C1QTNF7: variants seen among roughly 807,000 people sequenced by gnomAD.
C1QTNF7 encodes C1q and TNF related 7, also known as complement C1q tumor necrosis factor-related protein 7.
C1QTNF7 carries 15 observed loss-of-function variants against 19.6 expected under a neutral mutation model. That is an observed-to-expected ratio of 0.76 (90% CI 0.51 to 1.18). The LOEUF (loss-of-function observed/expected upper bound fraction) is 1.18. Among genes scored for constraint, C1QTNF7 ranks in the 50% most tolerant of loss-of-function variants. C1QTNF7 has a pLI of 0.00. For missense variants in C1QTNF7, 324 were observed against 359.7 expected (o/e 0.90, Z 0.80); for synonymous variants, 142 against 137.5 (o/e 1.03, Z -0.23).
chr4:15,343,813 A>C (rs558804658), intron 1 of C1QTNF7, among the ~76,000 whole-genome samples: 2 of 152,362 alleles, frequency 1.3e-5, no homozygotes, highest in East Asian at 3.9e-4. Context: ...CGACTACAAT[A>C]GAATTAACCC....
At chr4:15,393,034 A>T (rs1168027022) in intron 1 of C1QTNF7, among the ~76,000 whole-genome samples, 1 of 152,150 alleles carries the variant, frequency 6.6e-6, no homozygotes, top group Non-Finnish European at 1.5e-5. Flanking sequence ...TGTGGAAGGG[A>T]CCTGGTGGGA....
At chr4:15,436,624 C>T (rs1577283565) in intron 2 of C1QTNF7, among the ~76,000 whole-genome samples, 1 of 152,226 alleles carries the variant, frequency 6.6e-6, no homozygotes, top group East Asian at 1.9e-4. Context: ...CTCTTTACAG[C>T]AACACAATTG....
chr4:15,421,014 G>T (rs1235951343), intron 1 of C1QTNF7, among the ~76,000 whole-genome samples: 1 of 151,700 alleles, frequency 6.6e-6, no homozygotes, highest in African/African-American at 2.4e-5. Context: ...CTTTGCCTTT[G>T]TTGGGTCTAA....
chr4:15,340,020 A>G lies in C1QTNF7; in HGVS notation c.-175A>G, dbSNP rs529061194. On this transcript the variant is annotated 5_prime_UTR_variant, in exon 1 of 3. Transcript: ENST00000295297. ...AGCATGAGCTCCAAGCTTCAAACGC[A>G]TTCTCATGCTCAGACGAGCACTTTA... 3 of 791,056 alleles carry G rather than the reference A, an allele frequency of 3.8e-6. No individual in the cohort carries two copies. The South Asian group carries it at 4.7e-5, about 13-fold the overall frequency. The allele number at this position is 791,056 out of a possible 1,614,324, so 49.0% of individuals were successfully genotyped here. A position where few individuals can be genotyped will look rare whatever the true frequency, so the allele number is the denominator to read the frequency against.
chr4:15,388,041 GC>G (rs1718407208), intron 1 of C1QTNF7, among the ~76,000 whole-genome samples: 1 of 152,156 alleles, frequency 6.6e-6, no homozygotes, highest in East Asian at 1.9e-4. Flanking sequence ...AAGAGGAAAG[GC>G]CAAACACACC....
chr4:15,379,293 T>G (rs1294673898), intron 1 of C1QTNF7, among the ~76,000 whole-genome samples: 1 of 152,180 alleles, frequency 6.6e-6, no homozygotes, highest in Non-Finnish European at 1.5e-5. Context: ...TCATGATGCT[T>G]CTTGGGATCC....
chr4:15,398,726 A>T lies in C1QTNF7; in HGVS notation c.14-37010A>T, dbSNP rs145500369. On this transcript the variant is annotated intron_variant, in intron 1 of 2. Coordinates refer to the C1QTNF7 transcript ENST00000295297. The stretch of plus-strand genomic sequence containing the variant: ...CTGCTCAGAAGAAAGAATTCAACTG[A>T]GGGGCATAAAGCAGAAGGAGAGACT... Among the ~76,000 whole-genome samples, 4 of 152,334 alleles carry T rather than the reference A, an allele frequency of 2.6e-5. No homozygotes were observed. The East Asian group carries it at 7.7e-4, about 29-fold the overall frequency.
intron 1 of C1QTNF7, among the ~76,000 whole-genome samples, chr4:15,362,832 G>A (rs1717391021): frequency 6.6e-6 from 1 of 152,150 alleles, no homozygotes; most frequent in African/African-American, 2.4e-5. Context: ...ACAAAAGCTT[G>A]CCTAATAGTT....
At position 15,442,218 on chromosome 4, in the gene C1QTNF7, C is replaced by T; in HGVS notation, c.289C>T (p.Gln97Ter). ...PLGLAGEKGDQGETGKKGPIG... is the reference protein window; with the variant it reads ...PLGLAGEKGD ...AGGTCTTGCCGGTGAGAAAGGGGAC[C>T]AAGGAGAGACTGGGAAGAAAGGACC... Residue 97 changes from glutamine to a stop codon, truncating the protein, a stop_gained, in exon 3 of 3, where the codon CAA (glutamine) becomes TAA (stop). Transcript: ENST00000444304. LOFTEE classifies it high-confidence loss of function. 1 of 1,613,646 alleles carries T rather than the reference C, an allele frequency of 6.2e-7. No individual in the cohort carries two copies. The highest frequency in any genetic ancestry group is 8.5e-7 in the Non-Finnish European group (1 of 1,179,884).
intron 1 of C1QTNF7, among the ~76,000 whole-genome samples, chr4:15,403,138 T>TC: frequency 6.6e-6 from 1 of 152,186 alleles, no homozygotes; most frequent in Admixed American, 6.5e-5. Flanking sequence ...GTCCCATGCT[T>TC]CCCCAAAATA....
intron 1 of C1QTNF7, among the ~76,000 whole-genome samples, 161 bp from the exon 2 acceptor site, chr4:15,435,575 T>C (rs184384734): frequency 2.0e-5 from 3 of 152,338 alleles, no homozygotes; most frequent in East Asian, 1.9e-4. Flanking sequence ...TAATTTTCAA[T>C]GGAATTATGA....
intron 1 of C1QTNF7, among the ~76,000 whole-genome samples, chr4:15,415,586 T>C (rs1719572876): frequency 6.6e-6 from 1 of 151,320 alleles, no homozygotes; most frequent in Admixed American, 6.6e-5. Context: ...CATTAATATT[T>C]TGGTATTGGG....
intron 1 of C1QTNF7, among the ~76,000 whole-genome samples, chr4:15,429,592 T>C (rs1222619206): frequency 6.6e-6 from 1 of 152,222 alleles, no homozygotes; most frequent in Non-Finnish European, 1.5e-5. Context: ...CTGAAGAAGA[T>C]TCCATTGTAC....
intron 1 of C1QTNF7, among the ~76,000 whole-genome samples, chr4:15,418,191 GC>G (rs1317896281): frequency 6.6e-6 from 1 of 151,958 alleles, no homozygotes; most frequent in African/African-American, 2.4e-5. Context: ...GATCATCTTT[GC>G]CCACTCAGCT....
chr4:15,378,457 T>G (rs1258652042), intron 1 of C1QTNF7, among the ~76,000 whole-genome samples: 1 of 152,234 alleles, frequency 6.6e-6, no homozygotes, highest in Non-Finnish European at 1.5e-5. Flanking sequence ...CCAAACTATA[T>G]TACAGTAGCT....
At chr4:15,403,199 G>C (rs1209046223) in intron 1 of C1QTNF7, among the ~76,000 whole-genome samples, 1 of 152,080 alleles carries the variant, frequency 6.6e-6, no homozygotes, top group Admixed American at 6.6e-5. Flanking sequence ...CCCAGGCAGC[G>C]CAGCCCTTCC....
chr4:15,413,852 G>C (rs908424150), intron 1 of C1QTNF7, among the ~76,000 whole-genome samples: 3 of 152,198 alleles, frequency 2.0e-5, no homozygotes, highest in African/African-American at 7.2e-5. Context: ...CCTACAAAGA[G>C]GGTCATCTCA....
intron 1 of C1QTNF7, among the ~76,000 whole-genome samples, chr4:15,362,820 T>C (rs772739158): frequency 6.6e-6 from 1 of 152,220 alleles, no homozygotes; most frequent in Non-Finnish European, 1.5e-5. Context: ...TTTTCAGTAG[T>C]AACAAAAGCT....
intron 1 of C1QTNF7, among the ~76,000 whole-genome samples, chr4:15,412,478 T>C (rs1719438381): frequency 6.6e-6 from 1 of 152,116 alleles, no homozygotes; most frequent in Non-Finnish European, 1.5e-5. Context: ...TCTCTCATTG[T>C]TTCCCTCTCC....
Sources: allele counts gnomAD v4.1 joint callset (sites outside exome capture counted in the v4.1 genomes callset), GRCh38; gene constraint gnomAD v4.1.1; transcripts MANE v1.5; gene names NCBI Gene and HGNC (gene_info 2026-07-23, HGNC 2026-07-21).